The following DNAJC13 variants were observed in gnomAD, a reference collection of about 807,000 sequenced individuals.
The protein encoded by DNAJC13 is DnaJ heat shock protein family (Hsp40) member C13, also known as dnaJ homolog subfamily C member 13.
Under a neutral mutation model 290.5 loss-of-function variants are expected in DNAJC13, and 75 were observed. The observed-to-expected ratio is 0.26, with a 90% CI of 0.21 to 0.31. The LOEUF is 0.31. DNAJC13 is among the 10% of genes least tolerant of loss of function. The pLI is 1.00. For synonymous variants in DNAJC13, 862 were observed against 892.0 expected (o/e 0.97, Z 0.60); for missense variants, 2,260 against 2,674.5 (o/e 0.85, Z 3.42).
At position 132,539,007 on chromosome 3, in the gene DNAJC13, G is replaced by C. The variant is rs1382410641; in HGVS notation, c.*725G>C. The C allele has an allele frequency of 6.6e-6, 1 of 152,486 alleles. No homozygotes were observed. The highest frequency in any genetic ancestry group is 1.5e-5 in the Non-Finnish European group (1 of 67,998). The allele number at this position is 152,486 out of a possible 1,614,324, so 9.4% of individuals were successfully genotyped here. ...GTGTACATAAAATTTTAAAAATAAA[G>C]GGAATTGACTGCTTTGTTAATGAGA... On this transcript the variant is annotated 3_prime_UTR_variant, in exon 56 of 56. Transcript: ENST00000260818.
intron 22 of DNAJC13, among the ~76,000 whole-genome samples, chr3:132,476,845 C>T (rs1215498662): frequency 6.6e-6 from 1 of 152,162 alleles, no homozygotes; most frequent in African/African-American, 2.4e-5. Context: ...GTGGGCCTTC[C>T]CTGGATACCT....
rs754726308 is a variant in DNAJC13 at position 132,462,487 on chromosome 3, A to C, written c.1734A>C (p.Ile578=). 3.8e-5 allele frequency: 61 copies of C among 1,609,196 alleles called. No homozygotes were observed. Among genetic ancestry groups the C allele is most frequent in the Non-Finnish European group, 5.2e-5 (61 of 1,178,530 alleles). Residue 578 remains isoleucine, a synonymous_variant, in exon 16 of 56, where the codon ATA becomes ATC. Transcript: ENST00000260818. The part of the protein sequence containing the change: ...KLFQHPSMAI[I]KGAGLVMKAI... ...TAAAGCATCCTTCCATGGCAATAATAAAAGGAGCTGGGTTGGTTATGAAGG... is the reference window on the plus strand; with the variant it reads ...TAAAGCATCCTTCCATGGCAATAATCAAAGGAGCTGGGTTGGTTATGAAGG...
At chr3:132,451,071 T>A (rs890694502) in intron 6 of DNAJC13, among the ~76,000 whole-genome samples, 1 of 152,180 alleles carries the variant, frequency 6.6e-6, no homozygotes, top group Non-Finnish European at 1.5e-5. Context: ...TAAAATGCTT[T>A]ACACACAATG....
At chr3:132,477,917 G>C in intron 23 of DNAJC13, 25 bp downstream of exon 23, 1 of 1,602,982 alleles carries the variant, frequency 6.2e-7, no homozygotes, top group Non-Finnish European at 8.5e-7. Flanking sequence ...ATATCCTGTC[G>C]CATTTGTTTT....
chr3:132,525,063 G>T (rs551654754), intron 51 of DNAJC13, among the ~76,000 whole-genome samples: 1 of 152,318 alleles, frequency 6.6e-6, no homozygotes, highest in South Asian at 2.1e-4. Flanking sequence ...AATAGAGGCT[G>T]GGCGCGGTGG....
chr3:132,491,093 A>C, intron 32 of DNAJC13, 42 bp downstream of exon 32: 2 of 1,500,206 alleles, frequency 1.3e-6, no homozygotes, highest in East Asian at 4.7e-5. Flanking sequence ...TTTATAATTA[A>C]GTCTTTGCTG....
intron 44 of DNAJC13, 21 bp downstream of exon 44, chr3:132,511,265 T>G: frequency 6.2e-7 from 1 of 1,612,538 alleles, no homozygotes; most frequent in Non-Finnish European, 8.5e-7. Flanking sequence ...ACACCTTTGA[T>G]CAATAAGACT....
At chr3:132,467,380 T>C in intron 20 of DNAJC13, 67 bp downstream of exon 20, 1 of 1,534,870 alleles carries the variant, frequency 6.5e-7, no homozygotes, top group Non-Finnish European at 8.9e-7. Flanking sequence ...TAGTTCCTGC[T>C]GTTCACAGAG....
intron 1 of DNAJC13, among the ~76,000 whole-genome samples, chr3:132,421,779 T>G (rs1438781531): frequency 1.3e-5 from 2 of 152,122 alleles, no homozygotes; most frequent in Non-Finnish European, 2.9e-5. Context: ...TCTACAGATT[T>G]GTCACATTGG....
Position 132,523,719 on chromosome 3 carries a change from C to T in DNAJC13, c.6060+6C>T. On this transcript the variant is annotated splice_donor_region_variant and intron_variant, in intron 51 of 55. Coordinates refer to ENST00000260818, the MANE Select transcript of DNAJC13 (RefSeq NM_015268.4). ...TAGAGAAGAACAATCCTCATGTAAGCTTCAGTCAAAAGCAAAACATTTCAA... is the reference window on the plus strand; with the variant it reads ...TAGAGAAGAACAATCCTCATGTAAGTTTCAGTCAAAAGCAAAACATTTCAA... 1 of 1,610,234 alleles carries T rather than the reference C, an allele frequency of 6.2e-7. No individual in the cohort carries two copies.
chr3:132,449,617 G>A (rs1009375448), intron 5 of DNAJC13, among the ~76,000 whole-genome samples: 1 of 152,196 alleles, frequency 6.6e-6, no homozygotes, highest in African/African-American at 2.4e-5. Context: ...TCCTGTGAAA[G>A]TCATTGCTGA....
At chr3:132,476,672 A>T (rs1934483808) in intron 22 of DNAJC13, among the ~76,000 whole-genome samples, 1 of 152,048 alleles carries the variant, frequency 6.6e-6, no homozygotes, top group African/African-American at 2.4e-5. Context: ...TCCCTCTCTC[A>T]CACTCTGTTC....
At chr3:132,463,544 A>G (rs556069872) in intron 16 of DNAJC13, 152 bp from the exon 17 acceptor site, 7 of 786,828 alleles carry the variant, frequency 8.9e-6, no homozygotes, top group South Asian at 6.8e-5. Context: ...CTACTCACCT[A>G]TTTTTTTTTG....
intron 41 of DNAJC13, among the ~76,000 whole-genome samples, chr3:132,505,081 T>A (rs1278081639): frequency 2.6e-5 from 4 of 152,212 alleles, no homozygotes; most frequent in African/African-American, 9.6e-5. Context: ...AGTTGTAAGA[T>A]CTGGGACAAA....
intron 55 of DNAJC13, among the ~76,000 whole-genome samples, chr3:132,535,503 G>A (rs1936563041): frequency 6.6e-6 from 1 of 152,170 alleles, no homozygotes; most frequent in African/African-American, 2.4e-5. Context: ...GCTTGGTGCT[G>A]ATGGTCTCAG....
chr3:132,460,411 A>T, intron 14 of DNAJC13, 54 bp downstream of exon 14: 1 of 1,289,166 alleles, frequency 7.8e-7, no homozygotes, highest in Non-Finnish European at 1.1e-6. Context: ...TTATTGAAAG[A>T]TATTCTAGAA....
chr3:132,536,076 A>G (rs1936581004), intron 55 of DNAJC13, among the ~76,000 whole-genome samples: 1 of 152,206 alleles, frequency 6.6e-6, no homozygotes, highest in African/African-American at 2.4e-5. Flanking sequence ...CAGTGCCCTT[A>G]ATAGCTCAGT....
intron 8 of DNAJC13, 121 bp downstream of exon 8, chr3:132,453,815 T>A: frequency 1.2e-6 from 1 of 829,914 alleles, no homozygotes; most frequent in Non-Finnish European, 1.9e-6. Flanking sequence ...AATCTGTATT[T>A]AACTCTTAAC....
chr3:132,509,826 A>T (rs994211705), intron 43 of DNAJC13, among the ~76,000 whole-genome samples: 7 of 152,196 alleles, frequency 4.6e-5, no homozygotes, highest in Non-Finnish European at 1.0e-4. Context: ...TTTAGACATG[A>T]TACTATTGTA....
Sources: allele counts gnomAD v4.1 joint callset (sites outside exome capture counted in the v4.1 genomes callset), GRCh38; gene constraint gnomAD v4.1.1; transcripts MANE v1.5; gene names NCBI Gene and HGNC (gene_info 2026-07-23, HGNC 2026-07-21).